CDKL5: variants seen among roughly 807,000 people sequenced by gnomAD.
CDKL5 encodes the protein cyclin dependent kinase like 5, also known as cyclin-dependent kinase-like 5.
CDKL5 carries 8 observed loss-of-function variants against 61.7 expected under a neutral mutation model. That is an observed-to-expected ratio of 0.13 (90% CI 0.08 to 0.23). The LOEUF is 0.23. Among genes scored for constraint, CDKL5 ranks in the 10% least tolerant of loss-of-function variants. CDKL5 has a pLI of 1.00. For missense variants in CDKL5, 440 were observed against 734.5 expected (o/e 0.60, Z 4.63); for synonymous variants, 275 against 272.3 (o/e 1.01, Z -0.10).
intron 3 of CDKL5, among the ~76,000 whole-genome samples, chrX:18,521,644 G>A (rs945350978): frequency 8.9e-6 from 1 of 112,330 alleles, no homozygotes; most frequent in Non-Finnish European, 1.9e-5. Flanking sequence ...AGGTTTTTGT[G>A]TAACCATACC....
intron 2 of CDKL5, among the ~76,000 whole-genome samples, chrX:18,509,197 G>GCACGCA (rs1204561636): frequency 4.4e-4 from 28 of 64,308 alleles, no homozygotes; most frequent in South Asian, 1.1e-3. Context: ...CTCAAAACAC[G>GCACGCA]CACACACACA....
At chrX:18,578,295 C>T (rs1254596230) in intron 5 of CDKL5, among the ~76,000 whole-genome samples, 1 of 111,973 alleles carries the variant, frequency 8.9e-6, no homozygotes, top group Non-Finnish European at 1.9e-5. Context: ...TTTAAAAAAA[C>T]ATTATTTCAT....
intron 8 of CDKL5, among the ~76,000 whole-genome samples, chrX:18,585,702 G>A (rs966934086): frequency 6.3e-5 from 7 of 111,265 alleles, no homozygotes; most frequent in African/African-American, 9.8e-5. Flanking sequence ...CCTAGTTGTA[G>A]GATTATTTTC....
downstream of CDKL5, among the ~76,000 whole-genome samples, chrX:18,643,452 G>C (rs1399764910): frequency 1.8e-5 from 2 of 112,269 alleles, no homozygotes; most frequent in African/African-American, 6.5e-5. Flanking sequence ...GGTGGAACAG[G>C]CTCCACCAGA....
intron 3 of CDKL5, among the ~76,000 whole-genome samples, chrX:18,537,278 G>A (rs1291762569): frequency 8.9e-6 from 1 of 111,895 alleles, no homozygotes; most frequent in African/African-American, 3.3e-5. Flanking sequence ...CAGATTGGAC[G>A]CTGCTGTCCT....
chrX:18,507,310 CTT>C, intron 2 of CDKL5, 150 bp downstream of exon 2: 3 of 421,951 alleles, frequency 7.1e-6, no homozygotes, highest in Non-Finnish European at 1.2e-5. Context: ...TAAAATTACT[CTT>C]AAACAATTTG....
At chrX:18,606,045 G>A (rs1043318564) in intron 12 of CDKL5, among the ~76,000 whole-genome samples, 3 of 111,437 alleles carry the variant, frequency 2.7e-5, no homozygotes, top group Non-Finnish European at 5.7e-5. Context: ...GCTGGGCGTG[G>A]TGGCGTGTGC....
At chrX:18,497,358 C>T (rs1310921807) in intron 1 of CDKL5, 1 of 111,290 alleles carries the variant, frequency 9.0e-6, no homozygotes, top group African/African-American at 3.3e-5. Context: ...CTTACCAGTT[C>T]CTCATCTGGC....
At chrX:18,464,882 A>G (rs1407197777) in intron 1 of CDKL5, among the ~76,000 whole-genome samples, 3 of 112,242 alleles carry the variant, frequency 2.7e-5, no homozygotes, top group African/African-American at 9.7e-5. Flanking sequence ...GTGTGTGTAC[A>G]TGTATATATA....
At chrX:18,648,010 C>T (rs376968084) in intron 20 of CDKL5, among the ~76,000 whole-genome samples, 1 of 111,418 alleles carries the variant, frequency 9.0e-6, no homozygotes, top group South Asian at 3.8e-4. Flanking sequence ...ATTGTCTCCC[C>T]CTTCCTCTCG....
At chrX:18,450,321 A>T (rs191036597) in intron 1 of CDKL5, among the ~76,000 whole-genome samples, 58 of 112,228 alleles carry the variant, frequency 5.2e-4, no homozygotes, top group Non-Finnish European at 7.3e-4. Flanking sequence ...AAACTAAATA[A>T]CATAGGTGAA....
intron 1 of CDKL5, among the ~76,000 whole-genome samples, chrX:18,450,735 C>G (rs1027468642): frequency 9.0e-6 from 1 of 111,030 alleles, no homozygotes; most frequent in African/African-American, 3.3e-5. Context: ...CCACCACGCC[C>G]GGTGTTTTCT....
intron 3 of CDKL5, among the ~76,000 whole-genome samples, chrX:18,514,937 T>C (rs1381904827): frequency 9.1e-6 from 1 of 109,912 alleles, no homozygotes; most frequent in Non-Finnish European, 1.9e-5. Flanking sequence ...TATCTGGGAC[T>C]ATAGGCGCGC....
chrX:18,462,296 T>C (rs996490582), intron 1 of CDKL5, among the ~76,000 whole-genome samples: 6 of 110,583 alleles, frequency 5.4e-5, no homozygotes, highest in Non-Finnish European at 9.4e-5. Flanking sequence ...AATTGCTTGA[T>C]GGAATCATGT....
intron 4 of CDKL5, among the ~76,000 whole-genome samples, chrX:18,575,056 A>T (rs1350536198): frequency 8.9e-6 from 1 of 112,045 alleles, no homozygotes; most frequent in Non-Finnish European, 1.9e-5. Flanking sequence ...GTTTTTATAC[A>T]TACACGTAGT....
chrX:18,440,951 G>A (rs79746134), intron 1 of CDKL5, among the ~76,000 whole-genome samples: 3 of 111,192 alleles, frequency 2.7e-5, no homozygotes, highest in African/African-American at 9.8e-5. Context: ...AGTAATGTCC[G>A]AAAGAACCAT....
At chrX:18,502,441 A>G (rs1183043300) in intron 1 of CDKL5, among the ~76,000 whole-genome samples, 1 of 112,126 alleles carries the variant, frequency 8.9e-6, no homozygotes, top group East Asian at 2.8e-4. Context: ...GTATAGCGAA[A>G]GGAGGTCAGT....
intron 1 of CDKL5, among the ~76,000 whole-genome samples, chrX:18,454,181 G>A (rs1224121960): frequency 1.8e-5 from 2 of 111,412 alleles, no homozygotes; most frequent in African/African-American, 3.3e-5. Flanking sequence ...AAAGCTCTAA[G>A]CAATCAAATA....
intron 3 of CDKL5, among the ~76,000 whole-genome samples, chrX:18,552,091 A>G (rs1253642980): frequency 9.1e-6 from 1 of 109,664 alleles, no homozygotes; most frequent in Non-Finnish European, 1.9e-5. Context: ...TACAAAAATT[A>G]GCCGGGCATG....
Sources: allele counts gnomAD v4.1 joint callset (sites outside exome capture counted in the v4.1 genomes callset), GRCh38; gene constraint gnomAD v4.1.1; transcripts MANE v1.5; gene names NCBI Gene and HGNC (gene_info 2026-07-23, HGNC 2026-07-21).